Variants in ULK4 observed in about 807,000 individuals in gnomAD.
The protein encoded by ULK4 is unc-51 like kinase 4.
ULK4 carries 133 observed loss-of-function variants against 160.6 expected under a neutral mutation model. The observed-to-expected ratio is 0.83, with a 90% CI of 0.72 to 0.96. ULK4 has a LOEUF of 0.96. ULK4 is among the 40% of genes least tolerant of loss of function. ULK4 has a pLI of 0.00. For synonymous variants in ULK4, 534 were observed against 539.8 expected (o/e 0.99, Z 0.15); for missense variants, 1,580 against 1,499.5 (o/e 1.05, Z -0.89).
intron 17 of ULK4, among the ~76,000 whole-genome samples, chr3:41,880,898 G>C (rs1471655007): frequency 6.6e-6 from 1 of 151,992 alleles, no homozygotes; most frequent in Non-Finnish European, 1.5e-5. Flanking sequence ...ACTACAGCCT[G>C]GGCAACAGAG....
chr3:41,377,570 A>C (rs201081984), intron 35 of ULK4, among the ~76,000 whole-genome samples: 112 of 147,134 alleles, frequency 7.6e-4, no homozygotes, highest in East Asian at 4.9e-3. Context: ...AAAGGACATG[A>C]ACAGACACTT....
intron 32 of ULK4, among the ~76,000 whole-genome samples, chr3:41,547,850 C>T (rs771386342): frequency 6.6e-6 from 1 of 152,186 alleles, no homozygotes; most frequent in African/African-American, 2.4e-5. Flanking sequence ...GTGTCCTACA[C>T]CATGAAAACA....
At chr3:41,255,636 T>C (rs1183220586) in intron 35 of ULK4, among the ~76,000 whole-genome samples, 1 of 74,324 alleles carries the variant, frequency 1.3e-5, no homozygotes, top group Non-Finnish European at 4.6e-5. Context: ...AGGAGGGACA[T>C]TTCATATTTA....
intron 9 of ULK4, among the ~76,000 whole-genome samples, chr3:41,912,437 G>A (rs185721589): frequency 2.0e-5 from 3 of 151,972 alleles, no homozygotes; most frequent in Admixed American, 2.0e-4. Flanking sequence ...TTGCATCTGG[G>A]AATAACACAC....
At chr3:41,868,040 G>A (rs1409575655) in intron 17 of ULK4, among the ~76,000 whole-genome samples, 1 of 152,044 alleles carries the variant, frequency 6.6e-6, no homozygotes, top group East Asian at 1.9e-4. Flanking sequence ...CCAAGAATAT[G>A]GTCTGTTTTA....
chr3:41,414,930 T>C (rs2082492067), intron 34 of ULK4, among the ~76,000 whole-genome samples: 1 of 152,176 alleles, frequency 6.6e-6, no homozygotes, highest in Non-Finnish European at 1.5e-5. Flanking sequence ...CTGCCACCAT[T>C]TTTACTAATT....
At chr3:41,884,438 T>C (rs1180020919) in intron 16 of ULK4, among the ~76,000 whole-genome samples, 1 of 152,208 alleles carries the variant, frequency 6.6e-6, no homozygotes, top group Non-Finnish European at 1.5e-5. Flanking sequence ...AATATTGTTA[T>C]TTGCATAAAC....
rs967384913 is a variant in ULK4, at chr3:41,958,025, C to T, written c.-48-3218G>A. Among the ~76,000 whole-genome samples the T allele has an allele frequency of 5.9e-4, 80 of 136,474 alleles. 1 individual carries two copies. In the Admixed American group the frequency reaches 6.2e-3, roughly 11 times the overall value. The allele number at this position is 136,474 out of a possible 152,430, so 89.5% of individuals were successfully genotyped here. On this transcript the variant is annotated intron_variant, in intron 1 of 36. Transcript: ENST00000301831. ...CACCACTGCACTCTAGCCTGGGCAA[C>T]GAAGTGAGACCCTTTCTCAAAAAAA...
At chr3:41,604,217 T>C (rs2032256578) in intron 31 of ULK4, among the ~76,000 whole-genome samples, 1 of 151,972 alleles carries the variant, frequency 6.6e-6, no homozygotes, top group South Asian at 2.1e-4. Context: ...GGTAAAAGCA[T>C]AATCAGGAAG....
chr3:41,721,490 C>T (rs1376443616), intron 22 of ULK4, among the ~76,000 whole-genome samples: 4 of 149,664 alleles, frequency 2.7e-5, no homozygotes, highest in Non-Finnish European at 4.4e-5. Context: ...GCCTCAGCCT[C>T]CAGGGAAGCT....
chr3:41,559,579 G>A (rs2087477774), intron 32 of ULK4, among the ~76,000 whole-genome samples: 1 of 151,838 alleles, frequency 6.6e-6, no homozygotes, highest in Non-Finnish European at 1.5e-5. Flanking sequence ...TAACTGGTGT[G>A]AGATGGTATC....
intron 25 of ULK4, among the ~76,000 whole-genome samples, chr3:41,714,009 T>C (rs934231965): frequency 6.6e-6 from 1 of 152,050 alleles, no homozygotes; most frequent in African/African-American, 2.4e-5. Flanking sequence ...TGGGTTACCA[T>C]AAAAAAATTA....
chr3:41,840,577 T>G (rs1403645343), intron 17 of ULK4, among the ~76,000 whole-genome samples: 7 of 152,250 alleles, frequency 4.6e-5, no homozygotes, highest in Non-Finnish European at 8.8e-5. Context: ...GGTTTTGCCC[T>G]GTTGACCAGG....
chr3:41,800,872 C>T (rs547381301), intron 19 of ULK4, among the ~76,000 whole-genome samples: 3 of 152,280 alleles, frequency 2.0e-5, no homozygotes, highest in African/African-American at 7.2e-5. Flanking sequence ...AAAGATTCAA[C>T]TGTTTTCAGG....
At chr3:41,838,311 G>T (rs1203303436) in intron 17 of ULK4, among the ~76,000 whole-genome samples, 1 of 152,060 alleles carries the variant, frequency 6.6e-6, no homozygotes, top group African/African-American at 2.4e-5. Context: ...ATGTCTGATT[G>T]GGTTCTAAAG....
chr3:41,413,678 A>G (rs2082459892), intron 34 of ULK4, among the ~76,000 whole-genome samples: 1 of 152,132 alleles, frequency 6.6e-6, no homozygotes. Context: ...TGGGCAATGT[A>G]CATCTTATAA....
chr3:41,509,822 A>G (rs1302389051), intron 32 of ULK4, among the ~76,000 whole-genome samples: 1 of 152,250 alleles, frequency 6.6e-6, no homozygotes, highest in Non-Finnish European at 1.5e-5. Flanking sequence ...ACTGCTAAAA[A>G]GAGCTCTAAA....
At chr3:41,278,558 C>G (rs2079276748) in intron 35 of ULK4, among the ~76,000 whole-genome samples, 1 of 152,106 alleles carries the variant, frequency 6.6e-6, no homozygotes, top group Admixed American at 6.5e-5. Context: ...CAACAGATAC[C>G]TCGTACAGGC....
intron 35 of ULK4, among the ~76,000 whole-genome samples, chr3:41,363,566 C>T (rs571829944): frequency 6.6e-6 from 1 of 152,316 alleles, no homozygotes; most frequent in African/African-American, 2.4e-5. Flanking sequence ...TCACCCAACA[C>T]TGAACCCCTC....
Sources: gnomAD v4.1 joint callset for allele counts (sites outside exome capture counted in the v4.1 genomes callset) on GRCh38, gnomAD v4.1.1 for gene constraint, MANE v1.5 for transcripts, NCBI Gene and HGNC (gene_info 2026-07-23, HGNC 2026-07-21) for gene names.